Variants in PDE3A observed in about 807,000 individuals in gnomAD.
The protein encoded by PDE3A is phosphodiesterase 3A.
A neutral mutation model predicts 98.3 loss-of-function variants in PDE3A; 43 were observed. That is an observed-to-expected ratio of 0.44 (90% CI 0.34 to 0.56). The LOEUF (loss-of-function observed/expected upper bound fraction) is 0.56, where lower values mean the gene tolerates loss of function less well. Among genes scored for constraint, PDE3A ranks in the 20% least tolerant of loss-of-function variants. The probability of loss-of-function intolerance (pLI) is 0.01; values close to 1 mark genes in which losing one functional copy is unlikely to be tolerated. For synonymous variants in PDE3A, 663 were observed against 567.9 expected, an observed-to-expected ratio of 1.17 and a Z score of -2.38; for missense variants, 1,427 against 1,440.7, an observed-to-expected ratio of 0.99 and a Z score of 0.15.
chr12:20,425,532 CACTT>C (rs1165230485), intron 1 of PDE3A, among the ~76,000 whole-genome samples: 2 of 152,154 alleles, frequency 1.3e-5, no homozygotes, highest in African/African-American at 4.8e-5. Context: ...AAAGAGCTAG[CACTT>C]AAGTTAGGCC....
chr12:20,371,328 C>T, intron 1 of PDE3A: 1 of 984,704 alleles, frequency 1.0e-6, no homozygotes, highest in Non-Finnish European at 1.2e-6. Context: ...TTGTTCACCT[C>T]TCTATTTGAA....
At chr12:20,673,863 AAAAAAT>A (rs1945560027) in intron 15 of PDE3A, among the ~76,000 whole-genome samples, 1 of 150,474 alleles carries the variant, frequency 6.6e-6, no homozygotes, top group Admixed American at 6.6e-5. Flanking sequence ...ATAAAAATAA[AAAAAAT>A]AAAAATAAAA....
intron 1 of PDE3A, among the ~76,000 whole-genome samples, chr12:20,378,351 G>C (rs555993205): frequency 1.3e-5 from 2 of 151,414 alleles, no homozygotes; most frequent in Admixed American, 1.3e-4. Context: ...TCTACATCAA[G>C]AAATAAAGAG....
chr12:20,638,945 T>C (rs1462002475), intron 9 of PDE3A, among the ~76,000 whole-genome samples: 1 of 152,122 alleles, frequency 6.6e-6, no homozygotes, highest in Non-Finnish European at 1.5e-5. Flanking sequence ...TAGTAAATAT[T>C]CAACCCAGGA....
chr12:20,667,025 A>G (rs12321370), intron 15 of PDE3A, among the ~76,000 whole-genome samples: 10,164 of 152,186 alleles, frequency 0.067, 696 homozygotes, highest in Middle Eastern at 0.18. Flanking sequence ...CCTGGTGATT[A>G]GTGATATTGA....
chr12:20,668,080 G>C (rs576553448), intron 15 of PDE3A, among the ~76,000 whole-genome samples: 54 of 152,318 alleles, frequency 3.5e-4, no homozygotes, highest in African/African-American at 1.3e-3. Context: ...TCAAAGAAAG[G>C]GGTGACAGAT....
intron 2 of PDE3A, among the ~76,000 whole-genome samples, chr12:20,568,437 A>T (rs1319033089): frequency 6.6e-6 from 1 of 151,994 alleles, no homozygotes; most frequent in Non-Finnish European, 1.5e-5. Flanking sequence ...CATTTTATGC[A>T]CTGGTGGTTG....
intron 1 of PDE3A, among the ~76,000 whole-genome samples, chr12:20,396,583 TTGAG>T (rs1367846165): frequency 2.0e-5 from 3 of 152,084 alleles, no homozygotes; most frequent in Non-Finnish European, 2.9e-5. Flanking sequence ...GCTTAGATGA[TTGAG>T]TATCAGTTTC....
At chr12:20,536,409 C>T (rs912743889) in intron 1 of PDE3A, among the ~76,000 whole-genome samples, 2 of 151,940 alleles carry the variant, frequency 1.3e-5, no homozygotes, top group Admixed American at 6.6e-5. Flanking sequence ...GATTTATCCA[C>T]TTAAAGTATA....
intron 15 of PDE3A, among the ~76,000 whole-genome samples, chr12:20,668,255 G>T (rs527993487): frequency 6.6e-6 from 1 of 152,212 alleles, no homozygotes; most frequent in South Asian, 2.1e-4. Context: ...ACTGCAAGGC[G>T]GCAGTGAGGC....
At position 20,616,180 on chromosome 12, in the gene PDE3A, T is replaced by G. The variant is rs763843972; in HGVS notation, c.1270-50T>G. On this transcript the variant is annotated intron_variant, in intron 3 of 15. Transcript: ENST00000359062. ...TTTCCTTCTATTATATTACATAAAA[T>G]TTAAGAGATATAAAATATTCTGGGT... is the stretch of plus-strand genomic sequence containing the variant. 8 of 1,534,526 alleles carry G rather than the reference T, an allele frequency of 5.2e-6. No individual in the cohort carries two copies. In the South Asian group the frequency reaches 9.3e-5, roughly 18 times the overall value.
chr12:20,496,518 A>C (rs201155125), intron 1 of PDE3A, among the ~76,000 whole-genome samples: 5 of 145,858 alleles, frequency 3.4e-5, no homozygotes, highest in African/African-American at 5.1e-5. Flanking sequence ...TCCACATCCC[A>C]CCCCCCACCG....
At chr12:20,674,494 G>T (rs1795552755) in intron 15 of PDE3A, among the ~76,000 whole-genome samples, 1 of 152,150 alleles carries the variant, frequency 6.6e-6, no homozygotes, top group Non-Finnish European at 1.5e-5. Flanking sequence ...TTTTTATCAT[G>T]AAGTGATGTT....
intron 1 of PDE3A, among the ~76,000 whole-genome samples, chr12:20,533,661 T>C (rs1248915757): frequency 6.6e-6 from 1 of 151,644 alleles, no homozygotes; most frequent in Non-Finnish European, 1.5e-5. Flanking sequence ...TTCGTATTTT[T>C]AGTAGAGATG....
intron 1 of PDE3A, among the ~76,000 whole-genome samples, chr12:20,471,630 C>T (rs760835356): frequency 2.6e-5 from 4 of 152,076 alleles, no homozygotes; most frequent in Non-Finnish European, 5.9e-5. Context: ...TCAAGTTTTC[C>T]AGTACTTTAA....
chr12:20,670,236 C>A (rs1448609115), intron 15 of PDE3A, among the ~76,000 whole-genome samples: 4 of 148,886 alleles, frequency 2.7e-5, no homozygotes, highest in Non-Finnish European at 4.4e-5. Flanking sequence ...TAGACTCCCA[C>A]ACATTAATAA....
chr12:20,572,071 T>C, intron 2 of PDE3A: 2 of 1,195,122 alleles, frequency 1.7e-6, no homozygotes, highest in East Asian at 7.3e-5. Context: ...TTTAAAAAAA[T>C]GAGAATCAGT....
intron 1 of PDE3A, among the ~76,000 whole-genome samples, chr12:20,465,930 T>A (rs904072167): frequency 1.3e-5 from 2 of 152,156 alleles, no homozygotes; most frequent in African/African-American, 4.8e-5. Flanking sequence ...ATCTTAGATC[T>A]CCCTTTTGGG....
chr12:20,675,677 C>A (rs1945617167), intron 15 of PDE3A, among the ~76,000 whole-genome samples: 2 of 152,128 alleles, frequency 1.3e-5, no homozygotes, highest in African/African-American at 4.8e-5. Flanking sequence ...CTATTCTATC[C>A]TCTTACTGAA....
Sources: allele counts gnomAD v4.1 joint callset (sites outside exome capture counted in the v4.1 genomes callset), GRCh38; gene constraint gnomAD v4.1.1; transcripts MANE v1.5; gene names NCBI Gene and HGNC (gene_info 2026-07-23, HGNC 2026-07-21).